Variants in PLXDC2 observed in about 807,000 individuals in gnomAD.
The protein encoded by PLXDC2 is plexin domain containing 2.
A neutral mutation model predicts 68.9 loss-of-function variants in PLXDC2; 40 were observed. That is an observed-to-expected ratio of 0.58 (90% CI 0.45 to 0.76). The LOEUF is 0.76. Ranked by LOEUF, PLXDC2 falls within the 30% of genes least tolerant of loss-of-function variation. PLXDC2 has a pLI of 0.00. For missense variants in PLXDC2, 644 were observed against 661.9 expected, an observed-to-expected ratio of 0.97 and a Z score of 0.30; for synonymous variants, 243 against 234.2, an observed-to-expected ratio of 1.04 and a Z score of -0.34.
intron 1 of PLXDC2, among the ~76,000 whole-genome samples, chr10:19,867,465 G>C (rs1219564183): frequency 6.6e-6 from 1 of 152,080 alleles, no homozygotes; most frequent in African/African-American, 2.4e-5. Flanking sequence ...TAGGTCAAGG[G>C]GTATGTTCAG....
At chr10:19,892,485 T>C (rs951374892) in intron 1 of PLXDC2, among the ~76,000 whole-genome samples, 2 of 152,216 alleles carry the variant, frequency 1.3e-5, no homozygotes, top group East Asian at 3.8e-4. Flanking sequence ...AATAATTCTA[T>C]GCAGGAAGAC....
rs61430454 is a variant in PLXDC2, at chr10:19,852,425, CAAAAAAAAAAAAAAAAAAAAA to C, written c.112+35254_112+35274del. Among the ~76,000 whole-genome samples, 92 of 61,934 alleles carry C rather than the reference CAAAAAAAAAAAAAAAAAAAAA, an allele frequency of 1.5e-3. 1 individual carries two copies. Among genetic ancestry groups the C allele is most frequent in the East Asian group, 0.013 (32 of 2,376 alleles). 40.6% of individuals were successfully genotyped at this position (61,934 alleles called of 152,430 possible). A position where few individuals can be genotyped will look rare whatever the true frequency, so the allele number is the denominator to read the frequency against. On this transcript the variant is annotated intron_variant, in intron 1 of 13. Transcript: ENST00000377252. ...TGGGTGACAGAGCAAGACCCTGTCTCAAAAAAAAAAAAAAAAAAAAAAAAAAAAAAAAAAAAAAAAGTTTTC... is the reference window on the plus strand; with the variant it reads ...TGGGTGACAGAGCAAGACCCTGTCTCAAAAAAAAAAAAAAAAAAAGTTTTC...
chr10:20,173,181 G>A (rs1422963516), intron 7 of PLXDC2, among the ~76,000 whole-genome samples: 2 of 152,132 alleles, frequency 1.3e-5, no homozygotes, highest in East Asian at 3.9e-4. Context: ...TCAGTAAACG[G>A]TGCTTGTGCT....
rs574921520 is a variant in PLXDC2, at chr10:20,211,840, G to A, written c.1122+111G>A. 82 of 1,004,466 alleles carry A rather than the reference G, an allele frequency of 8.2e-5. No individual in the cohort carries two copies. The East Asian group carries it at 2.0e-3, about 24-fold the overall frequency. 62.2% of individuals were successfully genotyped at this position (1,004,466 alleles called of 1,614,324 possible). A position where few individuals can be genotyped will look rare whatever the true frequency, so the allele number is the denominator to read the frequency against. On this transcript the variant is annotated intron_variant, in intron 10 of 13. Coordinates refer to ENST00000377252, the MANE Select transcript of PLXDC2 (RefSeq NM_032812.9). ...TATGCCCTAAAACTTAATGAAAGGA[G>A]AAGAATCCTTCTATAAGCCCAATGT...
chr10:20,124,960 A>G (rs1479113943), intron 4 of PLXDC2, among the ~76,000 whole-genome samples: 2 of 152,152 alleles, frequency 1.3e-5, no homozygotes, highest in Non-Finnish European at 2.9e-5. Flanking sequence ...TTAGAAAGCT[A>G]TGAGAGGGTA....
intron 12 of PLXDC2, among the ~76,000 whole-genome samples, chr10:20,220,236 A>C (rs1237835862): frequency 6.6e-6 from 1 of 152,172 alleles, no homozygotes; most frequent in Admixed American, 6.5e-5. Context: ...AAATATATTA[A>C]AATCTTAGGG....
intron 1 of PLXDC2, among the ~76,000 whole-genome samples, chr10:19,938,457 G>A (rs1424548953): frequency 6.6e-6 from 1 of 152,196 alleles, no homozygotes; most frequent in South Asian, 2.1e-4. Flanking sequence ...GATGGTGGAA[G>A]GCAAAGTGGG....
intron 1 of PLXDC2, among the ~76,000 whole-genome samples, chr10:19,824,156 G>A (rs941699651): frequency 1.3e-5 from 2 of 152,224 alleles, no homozygotes; most frequent in African/African-American, 2.4e-5. Context: ...CAGGGTGAGA[G>A]ACCTTATGTT....
chr10:20,164,647 C>A, intron 7 of PLXDC2, 80 bp downstream of exon 7: 3 of 1,061,654 alleles, frequency 2.8e-6, no homozygotes, highest in South Asian at 2.7e-5. Context: ...GGCAGCTGTA[C>A]CTGAATTAAA....
At chr10:19,963,808 C>A (rs1387015027) in intron 1 of PLXDC2, among the ~76,000 whole-genome samples, 7 of 151,532 alleles carry the variant, frequency 4.6e-5, no homozygotes. Flanking sequence ...GCACATTGTG[C>A]ACATGTACCC....
At chr10:20,143,224 T>C in intron 4 of PLXDC2, 71 bp from the exon 5 acceptor site, 1 of 1,459,492 alleles carries the variant, frequency 6.9e-7, no homozygotes, top group Non-Finnish European at 9.3e-7. Flanking sequence ...GTAATTGAGT[T>C]GGAAGTATTT....
intron 1 of PLXDC2, among the ~76,000 whole-genome samples, chr10:19,895,172 G>A (rs1589524161): frequency 6.6e-6 from 1 of 152,196 alleles, no homozygotes; most frequent in African/African-American, 2.4e-5. Context: ...ACTAGGGGAA[G>A]CCTTGAAACA....
At chr10:20,108,810 A>G (rs1205497572) in intron 4 of PLXDC2, among the ~76,000 whole-genome samples, 1 of 152,170 alleles carries the variant, frequency 6.6e-6, no homozygotes, top group Non-Finnish European at 1.5e-5. Flanking sequence ...TACAAGAAAT[A>G]TTCAATGAAT....
At chr10:19,889,516 T>C (rs1837911001) in intron 1 of PLXDC2, among the ~76,000 whole-genome samples, 1 of 152,206 alleles carries the variant, frequency 6.6e-6, no homozygotes, top group African/African-American at 2.4e-5. Flanking sequence ...TCAGGCACTC[T>C]TAAAGAGAAA....
intron 13 of PLXDC2, among the ~76,000 whole-genome samples, chr10:20,257,171 C>T (rs775706259): frequency 2.0e-5 from 3 of 152,184 alleles, no homozygotes; most frequent in Non-Finnish European, 4.4e-5. Flanking sequence ...ATGCAACAGG[C>T]TTCCTGAGTG....
intron 2 of PLXDC2, among the ~76,000 whole-genome samples, chr10:20,022,230 G>T (rs894484608): frequency 2.0e-5 from 3 of 152,170 alleles, no homozygotes; most frequent in African/African-American, 7.2e-5. Context: ...TCATTCAACA[G>T]CTCTTTCATG....
intron 9 of PLXDC2, among the ~76,000 whole-genome samples, chr10:20,206,856 A>G (rs1834999808): frequency 6.8e-6 from 1 of 147,622 alleles, no homozygotes; most frequent in Non-Finnish European, 1.5e-5. Context: ...TGAAACACAC[A>G]CACACACACA....
chr10:19,966,652 C>G (rs1022950754), intron 1 of PLXDC2, among the ~76,000 whole-genome samples: 11 of 152,064 alleles, frequency 7.2e-5, no homozygotes, highest in Non-Finnish European at 1.2e-4. Flanking sequence ...TTGAACTAGT[C>G]TTTCTCTTCC....
At chr10:19,832,392 T>C (rs1836710318) in intron 1 of PLXDC2, among the ~76,000 whole-genome samples, 1 of 152,200 alleles carries the variant, frequency 6.6e-6, no homozygotes, top group East Asian at 1.9e-4. Flanking sequence ...AATGCACTTA[T>C]TAGAAATAAA....
Sources: allele counts gnomAD v4.1 joint callset (sites outside exome capture counted in the v4.1 genomes callset), GRCh38; gene constraint gnomAD v4.1.1; transcripts MANE v1.5; gene names NCBI Gene and HGNC (gene_info 2026-07-23, HGNC 2026-07-21).